The following MAML3 variants were observed in gnomAD, a reference collection of about 807,000 sequenced individuals.
MAML3 encodes the protein mastermind like transcriptional coactivator 3, also known as mastermind-like protein 3.
Under a neutral mutation model 101.9 loss-of-function variants are expected in MAML3, and 27 were observed. The observed-to-expected ratio is 0.27, with a 90% CI of 0.20 to 0.37. The LOEUF (loss-of-function observed/expected upper bound fraction) is 0.37, where lower values mean the gene tolerates loss of function less well. Among genes scored for constraint, MAML3 ranks in the 10% least tolerant of loss-of-function variants. The probability of loss-of-function intolerance (pLI) is 1.00; values close to 1 mark genes in which losing one functional copy is unlikely to be tolerated. For missense variants in MAML3, 1,316 were observed against 1,444.9 expected (o/e 0.91, Z 1.45); for synonymous variants, 501 against 555.9 (o/e 0.90, Z 1.39).
chr4:139,813,604 A>G (rs756990167), intron 2 of MAML3, among the ~76,000 whole-genome samples: 1 of 152,188 alleles, frequency 6.6e-6, no homozygotes. Flanking sequence ...CAAGGCCCCA[A>G]ATTTTACTTC....
chr4:139,750,564 G>C (rs181977307), intron 2 of MAML3, among the ~76,000 whole-genome samples: 2 of 152,056 alleles, frequency 1.3e-5, no homozygotes, highest in South Asian at 2.1e-4. Context: ...ACCATATTAC[G>C]CCACATGATG....
At chr4:139,783,457 A>T (rs893527792) in intron 2 of MAML3, among the ~76,000 whole-genome samples, 1 of 152,242 alleles carries the variant, frequency 6.6e-6, no homozygotes, top group African/African-American at 2.4e-5. Context: ...TGGCTGCAAC[A>T]CAAACCTTAT....
At chr4:140,140,431 C>T (rs1728962003) in intron 1 of MAML3, among the ~76,000 whole-genome samples, 1 of 152,164 alleles carries the variant, frequency 6.6e-6, no homozygotes, top group African/African-American at 2.4e-5. Flanking sequence ...TTTATGTATA[C>T]AACCAACTTT....
chr4:139,741,645 G>A (rs1482149305), intron 2 of MAML3, among the ~76,000 whole-genome samples: 1 of 152,164 alleles, frequency 6.6e-6, no homozygotes, highest in Non-Finnish European at 1.5e-5. Flanking sequence ...TACTCAGGAG[G>A]CTGAGGTGGG....
At chr4:140,072,620 A>G (rs1268766058) in intron 1 of MAML3, among the ~76,000 whole-genome samples, 1 of 151,978 alleles carries the variant, frequency 6.6e-6, no homozygotes, top group African/African-American at 2.4e-5. Context: ...TGGTGAGCCA[A>G]TATCGTGCCA....
At chr4:140,105,725 A>G (rs1728339757) in intron 1 of MAML3, among the ~76,000 whole-genome samples, 1 of 152,066 alleles carries the variant, frequency 6.6e-6, no homozygotes, top group Admixed American at 6.6e-5. Flanking sequence ...GACATGGAGG[A>G]AAAAAACAAA....
intron 1 of MAML3, among the ~76,000 whole-genome samples, chr4:139,939,313 C>T (rs1394123038): frequency 6.6e-6 from 1 of 152,200 alleles, no homozygotes; most frequent in Non-Finnish European, 1.5e-5. Flanking sequence ...TAGAGTCCAA[C>T]TCTAGATGTC....
At chr4:139,956,949 G>T (rs573557691) in intron 1 of MAML3, among the ~76,000 whole-genome samples, 1 of 152,170 alleles carries the variant, frequency 6.6e-6, no homozygotes, top group Non-Finnish European at 1.5e-5. Context: ...CAGCTGCTTA[G>T]CTTGCTAGAT....
intron 1 of MAML3, among the ~76,000 whole-genome samples, chr4:140,052,092 G>GA (rs1251640980): frequency 6.6e-6 from 1 of 151,940 alleles, no homozygotes; most frequent in South Asian, 2.1e-4. Context: ...ATGGGTTAAG[G>GA]AAAAAAATGA....
intron 1 of MAML3, among the ~76,000 whole-genome samples, chr4:139,898,774 T>C (rs908037963): frequency 2.6e-5 from 4 of 152,252 alleles, no homozygotes; most frequent in Admixed American, 2.6e-4. Flanking sequence ...AATAAGCCTA[T>C]GAACACATGG....
At chr4:139,808,852 G>A (rs1312259949) in intron 2 of MAML3, among the ~76,000 whole-genome samples, 1 of 152,158 alleles carries the variant, frequency 6.6e-6, no homozygotes, top group Non-Finnish European at 1.5e-5. Flanking sequence ...TCCTCTCAGC[G>A]ATCCCTGAGA....
At chr4:139,888,344 C>T (rs529716302) in intron 2 of MAML3, among the ~76,000 whole-genome samples, 1 of 152,220 alleles carries the variant, frequency 6.6e-6, no homozygotes, top group Non-Finnish European at 1.5e-5. Flanking sequence ...AAAGACTTTT[C>T]TGCAAATTCT....
intron 1 of MAML3, among the ~76,000 whole-genome samples, chr4:140,056,376 A>G (rs1193935307): frequency 2.0e-5 from 3 of 150,654 alleles, no homozygotes; most frequent in African/African-American, 7.3e-5. Context: ...TTTTTTTTAA[A>G]GACAGAGTCT....
chr4:139,993,624 G>A (rs914826313), intron 1 of MAML3, among the ~76,000 whole-genome samples: 4 of 151,916 alleles, frequency 2.6e-5, no homozygotes, highest in East Asian at 1.9e-4. Flanking sequence ...TTGGGAGTTC[G>A]AGACCAGCCT....
intron 2 of MAML3, among the ~76,000 whole-genome samples, chr4:139,878,393 G>A (rs1051365293): frequency 6.6e-6 from 1 of 152,118 alleles, no homozygotes; most frequent in Non-Finnish European, 1.5e-5. Flanking sequence ...TCCCTGACCA[G>A]ACTGCACATT....
At chr4:139,745,104 T>C (rs1729278226) in intron 2 of MAML3, among the ~76,000 whole-genome samples, 1 of 152,234 alleles carries the variant, frequency 6.6e-6, no homozygotes, top group Admixed American at 6.5e-5. Flanking sequence ...AGAGCCTTGA[T>C]GGAAGTGTAG....
intron 1 of MAML3, among the ~76,000 whole-genome samples, chr4:140,039,121 T>TA (rs1727037026): frequency 6.6e-6 from 1 of 150,836 alleles, no homozygotes; most frequent in Non-Finnish European, 1.5e-5. Context: ...AGACTCCGTC[T>TA]AAAAAAAAGA....
intron 1 of MAML3, among the ~76,000 whole-genome samples, chr4:140,088,938 C>T (rs1347207620): frequency 1.3e-5 from 2 of 152,134 alleles, no homozygotes; most frequent in Admixed American, 6.5e-5. Context: ...AAATGAACTA[C>T]GGAACCAATT....
intron 1 of MAML3, among the ~76,000 whole-genome samples, chr4:140,056,832 C>G (rs888045477): frequency 6.6e-6 from 1 of 151,074 alleles, no homozygotes; most frequent in Non-Finnish European, 1.5e-5. Context: ...AAGGTTCTAT[C>G]CCACTCTAAG....
Sources: allele counts gnomAD v4.1 joint callset (sites outside exome capture counted in the v4.1 genomes callset), GRCh38; gene constraint gnomAD v4.1.1; transcripts MANE v1.5; gene names NCBI Gene and HGNC (gene_info 2026-07-23, HGNC 2026-07-21).